DKK2: variants seen among roughly 807,000 people sequenced by gnomAD.
DKK2 encodes dickkopf-related protein 2.
A neutral mutation model predicts 28.1 loss-of-function variants in DKK2; 11 were observed. That is an observed-to-expected ratio of 0.39 (90% CI 0.25 to 0.65). The LOEUF is 0.65. DKK2 is among the 30% of genes least tolerant of loss of function. The pLI, the probability that DKK2 is intolerant of heterozygous loss-of-function variation, is 0.47. For synonymous variants in DKK2, 135 were observed against 126.5 expected, an observed-to-expected ratio of 1.07 and a Z score of -0.45; for missense variants, 326 against 335.5, an observed-to-expected ratio of 0.97 and a Z score of 0.22.
chr4:106,957,765 AG>A (rs1380194578), intron 1 of DKK2, among the ~76,000 whole-genome samples: 1 of 52,674 alleles, frequency 1.9e-5, no homozygotes, highest in Non-Finnish European at 3.4e-5. Context: ...GGGTGGGGGG[AG>A]GGGGGAGGGA....
At chr4:107,014,971 A>G (rs1723573563) in intron 1 of DKK2, among the ~76,000 whole-genome samples, 1 of 151,598 alleles carries the variant, frequency 6.6e-6, no homozygotes, top group Non-Finnish European at 1.5e-5. Context: ...TATATACATT[A>G]TCTTGATCAT....
At position 106,977,240 on chromosome 4, in the gene DKK2, T is replaced by C. The variant is rs545339890; in HGVS notation, c.223-51291A>G. ...TCGTGGGGTTGCTCTTCTCGAGTAG[T>C]ATCTTTGTGGTGTTCTCTGTATTTC... On this transcript the variant is annotated intron_variant, in intron 1 of 3. Coordinates refer to ENST00000285311, the MANE Select transcript of DKK2 (RefSeq NM_014421.3). 2.6e-5 allele frequency among the ~76,000 whole-genome samples: 4 copies of C among 152,294 alleles called. No individual in the cohort carries two copies. In the East Asian group the frequency reaches 7.7e-4, roughly 29 times the overall value.
At chr4:106,989,716 A>G (rs1373995172) in intron 1 of DKK2, among the ~76,000 whole-genome samples, 3 of 152,200 alleles carry the variant, frequency 2.0e-5, no homozygotes, top group Admixed American at 2.0e-4. Context: ...AATAAAATGA[A>G]TTAATCATAG....
At chr4:107,022,583 T>A (rs1045054669) in intron 1 of DKK2, among the ~76,000 whole-genome samples, 3 of 152,110 alleles carry the variant, frequency 2.0e-5, no homozygotes, top group Non-Finnish European at 4.4e-5. Context: ...TTGTGTGCCA[T>A]GATGAGGAGT....
At chr4:107,015,432 G>A (rs887468656) in intron 1 of DKK2, among the ~76,000 whole-genome samples, 1 of 151,464 alleles carries the variant, frequency 6.6e-6, no homozygotes, top group Non-Finnish European at 1.5e-5. Flanking sequence ...TGATTTATAG[G>A]ATTTTGTGTA....
chr4:106,932,048 A>G (rs913943954), intron 1 of DKK2, among the ~76,000 whole-genome samples: 1 of 152,188 alleles, frequency 6.6e-6, no homozygotes, highest in Non-Finnish European at 1.5e-5. Context: ...AAACCCAGGC[A>G]TATTCCTTGA....
chr4:107,017,486 C>T (rs1316599989), intron 1 of DKK2, among the ~76,000 whole-genome samples: 2 of 151,930 alleles, frequency 1.3e-5, no homozygotes, highest in Non-Finnish European at 2.9e-5. Flanking sequence ...AGTAACGACA[C>T]AATATAAAGC....
chr4:106,924,238 A>T, intron 3 of DKK2, 34 bp from the exon 4 acceptor site: 1 of 1,592,120 alleles, frequency 6.3e-7, no homozygotes, highest in Non-Finnish European at 8.5e-7. Context: ...TGTTACCCTG[A>T]CACTTCAGAA....
At chr4:106,985,599 A>G (rs953566648) in intron 1 of DKK2, among the ~76,000 whole-genome samples, 3 of 152,216 alleles carry the variant, frequency 2.0e-5, no homozygotes, top group African/African-American at 7.2e-5. Flanking sequence ...ACCTGAGGTC[A>G]GGAGTTTGAA....
At chr4:106,999,122 T>G (rs1723319844) in intron 1 of DKK2, among the ~76,000 whole-genome samples, 1 of 152,194 alleles carries the variant, frequency 6.6e-6, no homozygotes, top group Non-Finnish European at 1.5e-5. Flanking sequence ...CAGCTAAGTT[T>G]GTGTGTTCTT....
intron 1 of DKK2, among the ~76,000 whole-genome samples, chr4:107,009,337 T>A (rs890856375): frequency 1.3e-5 from 2 of 151,954 alleles, no homozygotes; most frequent in Non-Finnish European, 1.5e-5. Flanking sequence ...AAGGTAATGT[T>A]GCAACAGAAG....
intron 1 of DKK2, among the ~76,000 whole-genome samples, chr4:107,027,915 C>G (rs1723813906): frequency 6.6e-6 from 1 of 151,936 alleles, no homozygotes; most frequent in African/African-American, 2.4e-5. Flanking sequence ...CCACGCCCGG[C>G]TAATTTTTTG....
intron 1 of DKK2, among the ~76,000 whole-genome samples, chr4:106,961,094 A>G (rs1722678454): frequency 6.6e-6 from 1 of 152,140 alleles, no homozygotes; most frequent in Non-Finnish European, 1.5e-5. Context: ...GCTTTTAAAT[A>G]GGCATCTATT....
intron 1 of DKK2, among the ~76,000 whole-genome samples, chr4:106,988,630 T>A (rs966146683): frequency 6.6e-6 from 1 of 152,144 alleles, no homozygotes; most frequent in African/African-American, 2.4e-5. Context: ...TCACACCCAT[T>A]TAGCAAGAAG....
intron 1 of DKK2, among the ~76,000 whole-genome samples, chr4:106,983,881 G>A (rs966821988): frequency 7.2e-5 from 11 of 152,074 alleles, no homozygotes; most frequent in African/African-American, 2.4e-4. Flanking sequence ...TAGTTATTAG[G>A]GAAATGCAAA....
chr4:106,956,200 C>T (rs1463830872), intron 1 of DKK2, among the ~76,000 whole-genome samples: 1 of 151,980 alleles, frequency 6.6e-6, no homozygotes, highest in Non-Finnish European at 1.5e-5. Flanking sequence ...TTACAAGGGA[C>T]GTGAAGGACC....
In DKK2 at chr4:107,009,298, CA is replaced by C. The variant is rs140821051; in HGVS notation, c.222+26071del. On this transcript the variant is annotated intron_variant, in intron 1 of 3. Coordinates refer to ENST00000285311, the MANE Select transcript of DKK2 (RefSeq NM_014421.3). ...GTAACATTTTGAGATCTGAAGAATT[CA>C]AAAATAAAATAAAAATAGTGAAATG... Among the ~76,000 whole-genome samples, 662 of 151,676 alleles carry C rather than the reference CA, an allele frequency of 4.4e-3. 5 individuals are homozygous for C. Among genetic ancestry groups the C allele is most frequent in the African/African-American group, 0.015 (641 of 41,428 alleles).
At chr4:106,972,489 T>C (rs976164343) in intron 1 of DKK2, among the ~76,000 whole-genome samples, 2 of 151,742 alleles carry the variant, frequency 1.3e-5, no homozygotes, top group African/African-American at 4.8e-5. Flanking sequence ...ACAAGGAGGG[T>C]AAGATATATC....
In DKK2 at chr4:106,983,499, A is replaced by G. The variant is rs147674784; in HGVS notation, c.222+51871T>C. ...TGTAACATGAAACAATAAAAGTTTT[A>G]AGAAAAAAGTATGAAAAGACTTTGG... On this transcript the variant is annotated intron_variant, in intron 1 of 3. Coordinates refer to ENST00000285311, the MANE Select transcript of DKK2 (RefSeq NM_014421.3). Among the ~76,000 whole-genome samples, 1,425 of 152,288 alleles carry G rather than the reference A, an allele frequency of 9.4e-3. 26 individuals carry two copies. The highest frequency in any genetic ancestry group is 0.033 in the African/African-American group (1,355 of 41,578).
Sources: gnomAD v4.1 joint callset for allele counts (sites outside exome capture counted in the v4.1 genomes callset) on GRCh38, gnomAD v4.1.1 for gene constraint, MANE v1.5 for transcripts, NCBI Gene and HGNC (gene_info 2026-07-23, HGNC 2026-07-21) for gene names.